PLK4: variants seen among roughly 807,000 people sequenced by gnomAD.
PLK4 encodes polo like kinase 4.
PLK4 carries 51 observed loss-of-function variants against 103.0 expected under a neutral mutation model. The observed-to-expected ratio is 0.50, with a 90% CI of 0.40 to 0.63. PLK4 has a LOEUF of 0.63. Ranked by LOEUF, PLK4 falls within the 20% of genes least tolerant of loss-of-function variation. The pLI, the probability that PLK4 is intolerant of heterozygous loss-of-function variation, is 0.00. For synonymous variants in PLK4, 389 were observed against 376.8 expected (o/e 1.03, Z -0.38); for missense variants, 1,054 against 1,151.0 (o/e 0.92, Z 1.22).
chr4:127,891,268 T>C (rs1735348175), intron 8 of PLK4, 72 bp downstream of exon 8: 2 of 764,848 alleles, frequency 2.6e-6, no homozygotes, highest in Non-Finnish European at 4.2e-6. Flanking sequence ...TCTAATTCAT[T>C]TTACAATGAT....
At chr4:127,883,740 G>A (rs1735018444) in intron 4 of PLK4, among the ~76,000 whole-genome samples, 187 bp downstream of exon 4, 1 of 152,100 alleles carries the variant, frequency 6.6e-6, no homozygotes, top group African/African-American at 2.4e-5. Context: ...AATTATTACG[G>A]TAGTAAAGTA....
Position 127,886,647 on chromosome 4 carries a change from A to G in PLK4, c.1277A>G (p.Asn426Ser). 1 of 1,613,274 alleles carries G rather than the reference A, an allele frequency of 6.2e-7. No homozygotes were observed. Among genetic ancestry groups the G allele is most frequent in the Non-Finnish European group, 8.5e-7 (1 of 1,179,312 alleles). Reference protein sequence around the residue: ...NEERYSPTDNNANIFNFFKEK... With the variant: ...NEERYSPTDNSANIFNFFKEK... ...GAGAGGTACTCACCCACAGACAACA[A>G]TGCCAACATTTTTAACTTCTTTAAA... Residue 426 changes from asparagine (N) to serine (S), a missense_variant, in exon 5 of 16, where the codon AAT becomes AGT. Asn to Ser is a conservative substitution (Grantham distance 46). Coordinates refer to ENST00000270861, the MANE Select transcript of PLK4 (RefSeq NM_014264.5).
At position 127,886,354 on chromosome 4, in the gene PLK4, T is replaced by G. The variant is rs1405331019; in HGVS notation, c.984T>G (p.Asn328Lys). 1.2e-6 allele frequency: 2 copies of G among 1,613,542 alleles called. No individual in the cohort carries two copies. Among genetic ancestry groups the G allele is most frequent in the Non-Finnish European group, 1.7e-6 (2 of 1,179,890 alleles). ...LPNKMTVFPKNKSSTDFSSSG... is the reference protein window; with the variant it reads ...LPNKMTVFPKKKSSTDFSSSG... ...ATAAAATGACTGTATTTCCAAAGAATAAAAGTTCAACTGATTTTTCTTCTT... is the reference window on the plus strand; with the variant it reads ...ATAAAATGACTGTATTTCCAAAGAAGAAAAGTTCAACTGATTTTTCTTCTT... The change falls in exon 5 of 16, where the codon AAT (asparagine) becomes AAG (lysine). Residue 328 changes from asparagine (N) to lysine (K), a missense_variant. By Grantham distance (94) the Asn-to-Lys change is moderately conservative (BLOSUM62 0). This residue lies in a region of PLK4 where 680 missense variants were observed against 660.3 expected (regional missense o/e 1.03). Coordinates refer to ENST00000270861, the MANE Select transcript of PLK4 (RefSeq NM_014264.5).
chr4:127,890,641 TA>T (rs751819592), intron 7 of PLK4, among the ~76,000 whole-genome samples: 1 of 152,200 alleles, frequency 6.6e-6, no homozygotes, highest in Non-Finnish European at 1.5e-5. Flanking sequence ...ATATAACTTT[TA>T]TTTTTTTAGC....
At chr4:127,892,724 A>T in intron 10 of PLK4, 1 of 400,056 alleles carries the variant, frequency 2.5e-6, no homozygotes, top group Non-Finnish European at 4.4e-6. Flanking sequence ...TATAATATGT[A>T]TATTAGTCCT....
In PLK4 at chr4:127,892,435, C is replaced by A. The variant is rs74770705; in HGVS notation, c.2109C>A (p.Ile703=). ...TTGTAAGATCTAAATCTCCCAAAAT[C>A]ACTTATTTTACAAGATATGCTAAAT... ...VQLVRSKSPK[I]TYFTRYAKCI... The change falls in exon 10 of 16, where the codon ATC becomes ATA. Residue 703 remains isoleucine, a synonymous_variant. Coordinates refer to ENST00000270861, the MANE Select transcript of PLK4 (RefSeq NM_014264.5). 721 of 1,587,176 alleles carry A rather than the reference C, an allele frequency of 4.5e-4. 4 individuals carry two copies. In the African/African-American group the frequency reaches 8.6e-3, roughly 19 times the overall value.
Position 127,886,714 on chromosome 4 carries a change from TAAC to T in PLK4, c.1347_1349del (p.Asn450del). ...GTTCTGGATCTTTTGAAAGACCTGA[TAAC>T]AATCAAGCACTGTAAGAATAATTCT... On this transcript the variant is annotated inframe_deletion, in exon 5 of 16. Transcript: ENST00000270861. 6.2e-7 allele frequency: 1 copy of T among 1,602,708 alleles called. No homozygotes were observed. The highest frequency in any genetic ancestry group is 8.5e-7 in the Non-Finnish European group (1 of 1,174,274).
intron 5 of PLK4, 102 bp from the exon 6 acceptor site, chr4:127,887,294 A>G (rs1013073250): frequency 2.1e-5 from 14 of 658,702 alleles, no homozygotes; most frequent in Admixed American, 1.6e-4. Flanking sequence ...TAAAATGTTC[A>G]GGTATTCAAA....
Position 127,893,520 on chromosome 4 carries a change from G to A in PLK4, c.2330G>A (p.Arg777His), listed in dbSNP as rs200662248. The A allele has an allele frequency of 1.2e-4, 197 of 1,610,344 alleles. No individual in the cohort carries two copies. Among genetic ancestry groups the A allele is most frequent in the Admixed American group, 3.5e-4 (21 of 59,586 alleles). ...MYMDHANEGHRICLALESIIS... is the reference protein window; with the variant it reads ...MYMDHANEGHHICLALESIIS... ...ACTCTTCTTTTGAAATAGGGTCATC[G>A]TATTTGTTTAGCACTGGAATCCATA... The change falls in exon 12 of 16, where the codon CGT becomes CAT. Residue 777 changes from arginine (R) to histidine (H), a missense_variant. By Grantham distance (29) the Arg-to-His change is conservative. This residue lies in a region of PLK4 where 680 missense variants were observed against 660.3 expected (regional missense o/e 1.03). Coordinates refer to ENST00000270861, the MANE Select transcript of PLK4 (RefSeq NM_014264.5).
rs984792087 is a variant in PLK4 at position 127,898,841 on chromosome 4, G to A, written c.*300G>A. 9.1e-5 allele frequency: 19 copies of A among 207,958 alleles called. No homozygotes were observed. Among genetic ancestry groups the A allele is most frequent in the Middle Eastern group, 1.7e-3 (1 of 590 alleles). The allele number at this position is 207,958 out of a possible 1,614,324, so 12.9% of individuals were successfully genotyped here. ...TTAAAAGCAAAAATGTAAATGATGT[G>A]TAGTTTATTTGTGCTTTTATTGTTT... On this transcript the variant is annotated 3_prime_UTR_variant, in exon 16 of 16. Coordinates refer to ENST00000270861, the MANE Select transcript of PLK4 (RefSeq NM_014264.5).
chr4:127,887,482 A>G lies in PLK4; in HGVS notation c.1445A>G (p.Asn482Ser). Residue 482 changes from asparagine (N) to serine (S), a missense_variant, in exon 6 of 16, where the codon AAT becomes AGT. By Grantham distance (46) the Asn-to-Ser change is conservative. Transcript: ENST00000270861. ...QTETVQQWFGNLQINAHLRKT... is the reference protein window; with the variant it reads ...QTETVQQWFGSLQINAHLRKT... ...GAAACCGTACAACAGTGGTTTGGGAATCTGCAAATAAATGGTGAGTTTTTA... is the reference window on the plus strand; with the variant it reads ...GAAACCGTACAACAGTGGTTTGGGAGTCTGCAAATAAATGGTGAGTTTTTA... The G allele has an allele frequency of 6.3e-7, 1 of 1,593,778 alleles. No individual in the cohort carries two copies. Among genetic ancestry groups the G allele is most frequent in the Non-Finnish European group, 8.6e-7 (1 of 1,163,574 alleles).
chr4:127,895,803 C>A (rs1423097981), intron 14 of PLK4, among the ~76,000 whole-genome samples: 1 of 152,054 alleles, frequency 6.6e-6, no homozygotes. Context: ...ATGTCACGTG[C>A]CTATAGTCCC....
In PLK4 at chr4:127,893,361, A is replaced by G. The variant is rs763110295; in HGVS notation, c.2265A>G (p.Glu755=). 2 of 1,607,340 alleles carry G rather than the reference A, an allele frequency of 1.2e-6. No individual in the cohort carries two copies. Among genetic ancestry groups the G allele is most frequent in the South Asian group, 2.2e-5 (2 of 90,650 alleles). Residue 755 remains glutamate (E), a synonymous_variant, in exon 11 of 16, where the codon GAA becomes GAG. Coordinates refer to ENST00000270861, the MANE Select transcript of PLK4 (RefSeq NM_014264.5). ...KTGKSYTLKS[E]SEVNSLKEEI... is the part of the protein sequence containing the mutation. ...GGAAGTCTTACACTTTAAAAAGTGAAAGTGAAGTTAATAGCTTGAAAGAGG... is the reference window on the plus strand; with the variant it reads ...GGAAGTCTTACACTTTAAAAAGTGAGAGTGAAGTTAATAGCTTGAAAGAGG...
At chr4:127,887,346 A>G (rs781043921) in intron 5 of PLK4, 50 bp from the exon 6 acceptor site, 1 of 957,620 alleles carries the variant, frequency 1.0e-6, no homozygotes, top group East Asian at 2.6e-5. Flanking sequence ...TTAAAAAGTT[A>G]CCTGATAATT....
intron 6 of PLK4, among the ~76,000 whole-genome samples, chr4:127,888,724 G>T (rs922147869): frequency 3.9e-5 from 6 of 152,064 alleles, no homozygotes; most frequent in African/African-American, 1.4e-4. Context: ...AGGTGAATTG[G>T]GAAATAATGA....
chr4:127,883,657 C>T (rs1255557081), intron 4 of PLK4, 104 bp downstream of exon 4: 1 of 524,040 alleles, frequency 1.9e-6, no homozygotes, highest in African/African-American at 1.9e-5. Context: ...TATAGTAAAA[C>T]TGTTTGAATT....
intron 4 of PLK4, 107 bp from the exon 5 acceptor site, chr4:127,885,601 C>T (rs1735091383): frequency 1.2e-6 from 1 of 829,720 alleles, no homozygotes; most frequent in African/African-American, 1.7e-5. Context: ...TGTTCTACTA[C>T]AGTGCTCTAG....
chr4:127,887,903 G>A (rs1308799469), intron 6 of PLK4, among the ~76,000 whole-genome samples: 9 of 146,518 alleles, frequency 6.1e-5, no homozygotes, highest in Non-Finnish European at 1.3e-4. Context: ...GCATTGGCCA[G>A]GCGTGGTGGC....
At chr4:127,885,686 C>T (rs765622036) in intron 4 of PLK4, 22 bp from the exon 5 acceptor site, 1 of 1,560,742 alleles carries the variant, frequency 6.4e-7, no homozygotes, top group East Asian at 2.2e-5. Flanking sequence ...ATTGTAAATT[C>T]TCTTTTTTAA....
Sources: gnomAD v4.1 joint callset for allele counts (sites outside exome capture counted in the v4.1 genomes callset) on GRCh38, gnomAD v4.1.1 for gene constraint, gnomAD v4.1.1 regional missense constraint, MANE v1.5 for transcripts, NCBI Gene and HGNC (gene_info 2026-07-23, HGNC 2026-07-21) for gene names.